Variants in CFAP47 observed in about 807,000 individuals in gnomAD.
CFAP47 encodes cilia and flagella associated protein 47.
A neutral mutation model predicts 148.1 loss-of-function variants in CFAP47; 29 were observed. The ratio of observed to expected loss-of-function variants is 0.20; its 90% CI spans 0.15 to 0.27. CFAP47 has a LOEUF of 0.27. CFAP47 is among the 10% of genes least tolerant of loss of function. The pLI is 1.00. For synonymous variants in CFAP47, 664 were observed against 577.3 expected (o/e 1.15, Z -2.15); for missense variants, 1,872 against 1,697.5 (o/e 1.10, Z -1.81).
intron 29 of CFAP47, 101 bp downstream of exon 29, chrX:36,073,465 T>C (rs182607361): frequency 9.5e-5 from 52 of 547,060 alleles, no homozygotes; most frequent in Admixed American, 2.2e-4. Context: ...TATGAAGTAA[T>C]TTATTCTAAA....
chrX:36,091,513 G>A lies in CFAP47; in HGVS notation c.4916+5975G>A, dbSNP rs73470953. Among the ~76,000 whole-genome samples, 1,081 of 111,625 alleles carry A rather than the reference G, an allele frequency of 9.7e-3. 7 individuals carry two copies. The highest frequency in any genetic ancestry group is 0.033 in the African/African-American group (1,020 of 30,809). On this transcript the variant is annotated intron_variant, in intron 30 of 63. Transcript: ENST00000378653. The stretch of plus-strand genomic sequence containing the variant: ...TAATCTTGCTGAGGAGTGGTGTTAC[G>A]TAAAATTAGATCTTATTTAAATCTA...
intron 46 of CFAP47, among the ~76,000 whole-genome samples, chrX:36,230,397 A>G (rs1360056124): frequency 1.1e-4 from 12 of 109,391 alleles, no homozygotes; most frequent in Non-Finnish European, 1.7e-4. Flanking sequence ...TTTTGGCTGC[A>G]TAAATGTCTT....
intron 22 of CFAP47, among the ~76,000 whole-genome samples, chrX:36,018,045 T>A (rs1454587100): frequency 1.8e-5 from 2 of 111,356 alleles, no homozygotes; most frequent in Non-Finnish European, 3.8e-5. Context: ...TTTCTTTCAT[T>A]AATGTTTCAT....
chrX:36,216,822 C>T (rs962707742), intron 45 of CFAP47, among the ~76,000 whole-genome samples: 5 of 111,337 alleles, frequency 4.5e-5, no homozygotes, highest in African/African-American at 1.6e-4. Context: ...CTGATCCATC[C>T]AGGATACAGG....
intron 37 of CFAP47, among the ~76,000 whole-genome samples, chrX:36,150,960 C>A (rs1476492033): frequency 9.0e-6 from 1 of 111,491 alleles, no homozygotes; most frequent in African/African-American, 3.2e-5. Context: ...TGTCACATAA[C>A]CATTTATTTT....
chrX:35,966,453 C>T, intron 8 of CFAP47, 112 bp from the exon 9 acceptor site: 1 of 373,217 alleles, frequency 2.7e-6, no homozygotes. Context: ...TTCATATTAC[C>T]ATTATGAGCT....
chrX:36,212,147 TTTG>T (rs1223423203), intron 45 of CFAP47, among the ~76,000 whole-genome samples: 1 of 112,198 alleles, frequency 8.9e-6, no homozygotes, highest in African/African-American at 3.2e-5. Flanking sequence ...TTTCAGCTGT[TTTG>T]TTGACATTCT....
At position 36,092,226 on chromosome X, in the gene CFAP47, T is replaced by C. The variant is rs111780349; in HGVS notation, c.4917-6567T>C. ...CTTCAAATATGCTACCACAAGAATA[T>C]ATAATCAGAGTCTGCAATTTTTGGA... On this transcript the variant is annotated intron_variant, in intron 30 of 63. Coordinates refer to ENST00000378653, the MANE Select transcript of CFAP47 (RefSeq NM_001304548.2). Among the ~76,000 whole-genome samples, 1,084 of 111,578 alleles carry C rather than the reference T, an allele frequency of 9.7e-3. 8 individuals are homozygous for C. Among genetic ancestry groups the C allele is most frequent in the African/African-American group, 0.033 (1,021 of 30,818 alleles).
chrX:36,366,645 A>G (rs1388165325), intron 61 of CFAP47, among the ~76,000 whole-genome samples: 1 of 111,561 alleles, frequency 9.0e-6, no homozygotes, highest in African/African-American at 3.3e-5. Flanking sequence ...CTTATGCACT[A>G]TGATAATCTA....
At chrX:36,162,470 C>T (rs1248620847) in intron 39 of CFAP47, among the ~76,000 whole-genome samples, 1 of 111,486 alleles carries the variant, frequency 9.0e-6, no homozygotes, top group African/African-American at 3.2e-5. Flanking sequence ...ACAAGAGACC[C>T]AGTTTTTAAT....
chrX:35,947,067 A>C (rs780460309), intron 3 of CFAP47, among the ~76,000 whole-genome samples: 52 of 111,900 alleles, frequency 4.6e-4, no homozygotes, highest in Non-Finnish European at 7.1e-4. Flanking sequence ...GAACTGGATA[A>C]ATTCATCTCC....
intron 30 of CFAP47, among the ~76,000 whole-genome samples, chrX:36,087,218 G>A (rs1938104080): frequency 8.9e-6 from 1 of 111,865 alleles, no homozygotes; most frequent in Non-Finnish European, 1.9e-5. Context: ...ATAAATATTA[G>A]ATACATGGCT....
intron 33 of CFAP47, among the ~76,000 whole-genome samples, chrX:36,116,060 G>A (rs1393252808): frequency 8.9e-6 from 1 of 111,937 alleles, no homozygotes; most frequent in Non-Finnish European, 1.9e-5. Flanking sequence ...TCTTTTTTGA[G>A]TTAAATTTAA....
At chrX:36,094,886 T>G (rs1283777675) in intron 30 of CFAP47, among the ~76,000 whole-genome samples, 4 of 111,184 alleles carry the variant, frequency 3.6e-5, no homozygotes, top group Non-Finnish European at 7.6e-5. Context: ...GTGTGATTGC[T>G]CTAGCTGGGA....
At chrX:35,986,990 AG>A (rs1380601447) in intron 15 of CFAP47, among the ~76,000 whole-genome samples, 1 of 111,187 alleles carries the variant, frequency 9.0e-6, no homozygotes, top group Non-Finnish European at 1.9e-5. Context: ...TTTGTCCCAG[AG>A]GGGCACCCGC....
intron 25 of CFAP47, among the ~76,000 whole-genome samples, chrX:36,041,181 C>G (rs1273588815): frequency 9.0e-6 from 1 of 110,822 alleles, no homozygotes; most frequent in African/African-American, 3.3e-5. Context: ...AACAGAAACT[C>G]AGTGGAACCA....
chrX:36,278,000 C>T (rs987587769), intron 49 of CFAP47, among the ~76,000 whole-genome samples: 1 of 111,798 alleles, frequency 8.9e-6, no homozygotes, highest in African/African-American at 3.3e-5. Flanking sequence ...AGGTGTCAAT[C>T]GGCCCCTACT....
intron 45 of CFAP47, among the ~76,000 whole-genome samples, chrX:36,228,210 A>G (rs782595164): frequency 1.8e-3 from 199 of 111,563 alleles, no homozygotes; most frequent in Non-Finnish European, 3.2e-3. Context: ...CCTTTCTATT[A>G]GGTAGAGTCA....
chrX:36,160,816 C>T (rs1569276339), intron 39 of CFAP47, 47 bp downstream of exon 39: 1 of 284,554 alleles, frequency 3.5e-6, no homozygotes, highest in Non-Finnish European at 6.1e-6. Context: ...GCTCTATCTC[C>T]ACTCTGAAGA....
Sources: allele counts gnomAD v4.1 joint callset (sites outside exome capture counted in the v4.1 genomes callset), GRCh38; gene constraint gnomAD v4.1.1; transcripts MANE v1.5; gene names NCBI Gene and HGNC (gene_info 2026-07-23, HGNC 2026-07-21).